GSAP: variants seen among roughly 807,000 people sequenced by gnomAD.
GSAP encodes gamma-secretase activating protein.
Under a neutral mutation model 131.7 loss-of-function variants are expected in GSAP, and 118 were observed. That is an observed-to-expected ratio of 0.90 (90% CI 0.77 to 1.04). GSAP has a LOEUF of 1.04. GSAP is among the 50% of genes least tolerant of loss of function. GSAP has a pLI of 0.00. For synonymous variants in GSAP, 381 were observed against 363.4 expected (o/e 1.05, Z -0.55); for missense variants, 1,019 against 1,013.2 (o/e 1.01, Z -0.08).
intron 19 of GSAP, 120 bp downstream of exon 19, chr7:77,349,231 T>A: frequency 2.8e-5 from 20 of 720,812 alleles, no homozygotes; most frequent in Non-Finnish European, 4.5e-5. Flanking sequence ...AAACCCACCC[T>A]ACTGCCTTGC....
intron 12 of GSAP, among the ~76,000 whole-genome samples, chr7:77,371,257 A>G (rs1057500607): frequency 3.4e-4 from 52 of 152,108 alleles, no homozygotes; most frequent in African/African-American, 9.9e-4. Flanking sequence ...CCATTCCTCT[A>G]ATTTATAGCA....
intron 23 of GSAP, among the ~76,000 whole-genome samples, chr7:77,324,848 GCT>G (rs1491447498): frequency 8.1e-5 from 2 of 24,680 alleles, no homozygotes; most frequent in Non-Finnish European, 1.8e-4. Context: ...TTTTTTTTTT[GCT>G]CTGTCACTCA....
At chr7:77,320,664 A>C (rs2150616962) in intron 26 of GSAP, 61 bp downstream of exon 26, 706 of 831,738 alleles carry the variant, frequency 8.5e-4, no homozygotes, top group Non-Finnish European at 1.2e-3. Flanking sequence ...ACCAAAGGCA[A>C]GGGCCCATAT....
chr7:77,362,166 T>C (rs1008061481), intron 13 of GSAP, among the ~76,000 whole-genome samples: 5 of 152,182 alleles, frequency 3.3e-5, no homozygotes, highest in Non-Finnish European at 7.3e-5. Context: ...AGATATAGAA[T>C]GAACTGATAA....
At chr7:77,374,959 A>C (rs907549119) in intron 11 of GSAP, 99 bp downstream of exon 11, 1 of 585,984 alleles carries the variant, frequency 1.7e-6, no homozygotes, top group South Asian at 2.3e-5. Flanking sequence ...ACAGAATATC[A>C]AACTCTCTTT....
chr7:77,320,667 G>A (rs557046580), intron 26 of GSAP, 58 bp downstream of exon 26: 2 of 956,632 alleles, frequency 2.1e-6, no homozygotes, highest in South Asian at 1.3e-5. Flanking sequence ...AAAGGCAAGG[G>A]CCCATATGAA....
chr7:77,344,313 T>C (rs932698279), intron 19 of GSAP, among the ~76,000 whole-genome samples: 10 of 152,174 alleles, frequency 6.6e-5, no homozygotes, highest in Admixed American at 5.9e-4. Context: ...AATGGTCTTA[T>C]AAAAACACAC....
intron 12 of GSAP, among the ~76,000 whole-genome samples, chr7:77,369,605 G>A (rs7341506): frequency 0.34 from 51,603 of 152,046 alleles, 9,821 homozygotes; most frequent in African/African-American, 0.52. Flanking sequence ...AATAGTTGAA[G>A]TAAGTTTGTA....
intron 19 of GSAP, 135 bp from the exon 20 acceptor site, chr7:77,330,502 G>A: frequency 7.5e-7 from 1 of 1,340,542 alleles, no homozygotes; most frequent in African/African-American, 1.5e-5. Context: ...TACAGAAGAT[G>A]GCATTCTAGA....
chr7:77,366,200 T>C (rs1795276883), intron 12 of GSAP, among the ~76,000 whole-genome samples: 1 of 152,128 alleles, frequency 6.6e-6, no homozygotes, highest in South Asian at 2.1e-4. Flanking sequence ...TGGTTTACTC[T>C]GTTAGTTTCT....
intron 14 of GSAP, 113 bp downstream of exon 14, chr7:77,360,711 T>C: frequency 1.6e-6 from 1 of 628,866 alleles, no homozygotes. Context: ...TTGATTGTCA[T>C]CACAATCCGA....
At chr7:77,331,198 G>A (rs1789103596) in intron 19 of GSAP, among the ~76,000 whole-genome samples, 1 of 152,190 alleles carries the variant, frequency 6.6e-6, no homozygotes, top group Admixed American at 6.5e-5. Flanking sequence ...CTACTCAGGA[G>A]GCTGAGGCAG....
At chr7:77,327,670 G>C (rs924726453) in intron 22 of GSAP, among the ~76,000 whole-genome samples, 2 of 152,206 alleles carry the variant, frequency 1.3e-5, no homozygotes, top group African/African-American at 4.8e-5. Context: ...CATGAGGCAC[G>C]AAAGTGTTCT....
chr7:77,341,436 T>C (rs1175327279), intron 19 of GSAP, among the ~76,000 whole-genome samples: 2 of 152,214 alleles, frequency 1.3e-5, no homozygotes, highest in East Asian at 3.8e-4. Flanking sequence ...ACACCTGGTC[T>C]GGCTTACAGT....
intron 19 of GSAP, among the ~76,000 whole-genome samples, chr7:77,343,805 T>A (rs564796795): frequency 1.3e-5 from 2 of 152,332 alleles, no homozygotes; most frequent in East Asian, 3.9e-4. Flanking sequence ...TCTGTCATCA[T>A]TTCATAACCT....
At chr7:77,368,428 C>T (rs192595500) in intron 12 of GSAP, among the ~76,000 whole-genome samples, 1 of 152,182 alleles carries the variant, frequency 6.6e-6, no homozygotes, top group Non-Finnish European at 1.5e-5. Flanking sequence ...TGGCTATTGG[C>T]TACCATACTG....
intron 27 of GSAP, among the ~76,000 whole-genome samples, 181 bp from the exon 28 acceptor site, chr7:77,313,730 A>G (rs761347644): frequency 2.2e-4 from 34 of 152,246 alleles, no homozygotes; most frequent in Non-Finnish European, 4.1e-4. Context: ...GGATTTTTCT[A>G]TAACAGGCTG....
chr7:77,317,585 CT>C (rs1212289069), intron 26 of GSAP, among the ~76,000 whole-genome samples: 1 of 152,180 alleles, frequency 6.6e-6, no homozygotes, highest in African/African-American at 2.4e-5. Flanking sequence ...CATAAGTCTA[CT>C]TATAATAATT....
At chr7:77,368,968 A>G (rs982350716) in intron 12 of GSAP, among the ~76,000 whole-genome samples, 2 of 152,224 alleles carry the variant, frequency 1.3e-5, no homozygotes, top group Non-Finnish European at 2.9e-5. Context: ...TAATATCTCA[A>G]CGTTGGCTAG....
Sources: gnomAD v4.1 joint callset for allele counts (sites outside exome capture counted in the v4.1 genomes callset) on GRCh38, gnomAD v4.1.1 for gene constraint, MANE v1.5 for transcripts, NCBI Gene and HGNC (gene_info 2026-07-23, HGNC 2026-07-21) for gene names.